Variants in XKRX observed in about 807,000 individuals in gnomAD.
XKRX encodes the protein XK related X-linked.
Under a neutral mutation model 22.4 loss-of-function variants are expected in XKRX, and 11 were observed. That is an observed-to-expected ratio of 0.49 (90% CI 0.31 to 0.81). The LOEUF (loss-of-function observed/expected upper bound fraction) is 0.81. Ranked by LOEUF, XKRX falls within the 40% of genes least tolerant of loss-of-function variation. The probability of loss-of-function intolerance (pLI) is 0.05; values close to 1 mark genes in which losing one functional copy is unlikely to be tolerated. For synonymous variants in XKRX, 114 were observed against 132.2 expected, an observed-to-expected ratio of 0.86 and a Z score of 0.94; for missense variants, 320 against 336.5, an observed-to-expected ratio of 0.95 and a Z score of 0.38.
At chrX:100,933,976 A>C (rs1188290526), upstream of XKRX, among the ~76,000 whole-genome samples, 1 of 111,733 alleles carries the variant, frequency 8.9e-6, no homozygotes, top group East Asian at 2.8e-4. Flanking sequence ...ACCACAACTT[A>C]GTGCCGGAAC....
At chrX:100,935,094 A>G in the XKRX span, among the ~76,000 whole-genome samples, 1 of 112,178 alleles carries the variant, frequency 8.9e-6, no homozygotes, top group African/African-American at 3.2e-5. Context: ...CAGATATAGC[A>G]TTGTGGGGCA....
chrX:100,926,089 T>G (rs2085496713), intron 1 of XKRX, among the ~76,000 whole-genome samples: 1 of 111,941 alleles, frequency 8.9e-6, no homozygotes, highest in Admixed American at 9.5e-5. Context: ...AGTATTTCTC[T>G]GAGACTTTGT....
chrX:100,900,829 G>A, the XKRX span, among the ~76,000 whole-genome samples: 14 of 92,122 alleles, frequency 1.5e-4, no homozygotes, highest in South Asian at 1.7e-3. Flanking sequence ...TTGTTCTGTC[G>A]CCTAGGCTGG....
chrX:100,936,871 C>A, the XKRX span, among the ~76,000 whole-genome samples: 119 of 109,592 alleles, frequency 1.1e-3, 1 homozygote, highest in African/African-American at 3.7e-3. Context: ...CTGGTCCCCC[C>A]ACCCCCCACA....
chrX:100,924,005 GTTT>G (rs10600680), intron 1 of XKRX, among the ~76,000 whole-genome samples: 9 of 77,111 alleles, frequency 1.2e-4, no homozygotes, highest in African/African-American at 3.0e-4. Flanking sequence ...TCCGGCTAAG[GTTT>G]TTTTTTTTTT....
At chrX:100,902,874 C>A in the XKRX span, among the ~76,000 whole-genome samples, 1 of 109,045 alleles carries the variant, frequency 9.2e-6, no homozygotes, top group Non-Finnish European at 1.9e-5. Context: ...CCTCAGCCTC[C>A]CGAGTACCTG....
rs777867323 is a variant in XKRX at position 100,927,272 on chromosome X, C to T, written c.335+698G>A. On this transcript the variant is annotated intron_variant, in intron 1 of 2. Transcript: ENST00000372956. ...TTGGCTCACTGCAACCTCTACCTTC[C>T]GGGTTCAAGTGATTCTCCTGCCTCA... is the stretch of plus-strand genomic sequence containing the variant. Among the ~76,000 whole-genome samples the T allele has an allele frequency of 3.6e-5, 4 of 109,759 alleles. 1 individual carries two copies. The highest frequency in any genetic ancestry group is 7.6e-5 in the Non-Finnish European group (4 of 52,647).
the XKRX span, among the ~76,000 whole-genome samples, chrX:100,900,952 G>A: frequency 9.1e-6 from 1 of 109,542 alleles, no homozygotes; most frequent in Non-Finnish European, 1.9e-5. Flanking sequence ...ACCACGCCTG[G>A]CTAATTTTTT....
the XKRX span, among the ~76,000 whole-genome samples, chrX:100,949,411 G>A: frequency 9.5e-6 from 1 of 105,287 alleles, no homozygotes; most frequent in Non-Finnish European, 1.9e-5. Flanking sequence ...TGTCGCCCAG[G>A]CAGGAGTAGA....
the XKRX span, among the ~76,000 whole-genome samples, chrX:100,946,933 C>T: frequency 1.8e-5 from 2 of 112,114 alleles, no homozygotes; most frequent in Admixed American, 1.9e-4. Flanking sequence ...TGGTACACCA[C>T]CTGTGACACA....
At chrX:100,941,970 C>A in the XKRX span, among the ~76,000 whole-genome samples, 8 of 110,004 alleles carry the variant, frequency 7.3e-5, no homozygotes, top group South Asian at 3.2e-3. Flanking sequence ...GCCTCAGCCT[C>A]CCGAGTAGCT....
chrX:100,951,437 C>A, the XKRX span, among the ~76,000 whole-genome samples: 1 of 81,225 alleles, frequency 1.2e-5, no homozygotes, highest in Non-Finnish European at 2.2e-5. Flanking sequence ...TAAAGAGAAT[C>A]CCCCGGGGGT....
At chrX:100,924,781 G>T (rs1415876213) in intron 1 of XKRX, among the ~76,000 whole-genome samples, 1 of 112,127 alleles carries the variant, frequency 8.9e-6, no homozygotes, top group Non-Finnish European at 1.9e-5. Flanking sequence ...TACAGGGTAA[G>T]CAATTATGGG....
At chrX:100,911,818 T>A (rs747365811), downstream of XKRX, among the ~76,000 whole-genome samples, 1 of 111,624 alleles carries the variant, frequency 9.0e-6, no homozygotes, top group African/African-American at 3.2e-5. Context: ...ATTTACATAA[T>A]GTATCACTAG....
chrX:100,933,495 A>AAC (rs1556212026), upstream of XKRX, among the ~76,000 whole-genome samples: 1 of 109,369 alleles, frequency 9.1e-6, no homozygotes, highest in African/African-American at 3.4e-5. Context: ...AAAAAAAAAA[A>AAC]AAAAACAGAA....
the XKRX span, among the ~76,000 whole-genome samples, chrX:100,901,026 G>A: frequency 1.4e-4 from 16 of 110,609 alleles, no homozygotes; most frequent in East Asian, 8.6e-4. Context: ...TCCTGACCTC[G>A]TGATCTGCCC....
the XKRX span, among the ~76,000 whole-genome samples, chrX:100,891,462 A>G: frequency 9.0e-6 from 1 of 111,657 alleles, no homozygotes; most frequent in Admixed American, 9.6e-5. Context: ...GATAGTAACC[A>G]AAACAGCATG....
At chrX:100,933,495 A>C (rs112460605), upstream of XKRX, among the ~76,000 whole-genome samples, 5,756 of 109,343 alleles carry the variant, frequency 0.053, 340 homozygotes, top group African/African-American at 0.16. Flanking sequence ...AAAAAAAAAA[A>C]AAAAACAGAA....
the XKRX span, among the ~76,000 whole-genome samples, chrX:100,895,525 G>A: frequency 0.012 from 1,379 of 111,722 alleles, 29 homozygotes; most frequent in African/African-American, 0.042. Flanking sequence ...CGACATTTCC[G>A]TTCTGAAGCC....
Sources: allele counts gnomAD v4.1 joint callset (sites outside exome capture counted in the v4.1 genomes callset), GRCh38; gene constraint gnomAD v4.1.1; transcripts MANE v1.5; gene names NCBI Gene and HGNC (gene_info 2026-07-23, HGNC 2026-07-21).